The following ZNF160 variants were observed in gnomAD, a reference collection of about 807,000 sequenced individuals.
ZNF160 encodes zinc finger protein 160.
A neutral mutation model predicts 13.1 loss-of-function variants in ZNF160; 9 were observed. The observed-to-expected ratio is 0.69, with a 90% CI of 0.41 to 1.20. ZNF160 has a LOEUF of 1.20. Ranked by LOEUF, ZNF160 falls within the 50% of genes most tolerant of loss-of-function variation. ZNF160 has a pLI of 0.01. For synonymous variants in ZNF160, 293 were observed against 333.2 expected (o/e 0.88, Z 1.31); for missense variants, 838 against 988.0 (o/e 0.85, Z 2.04).
chr19:53,089,862 G>T (rs984687991), intron 2 of ZNF160, among the ~76,000 whole-genome samples: 3 of 148,180 alleles, frequency 2.0e-5, no homozygotes, highest in Non-Finnish European at 4.5e-5. Context: ...TCCTCATTTT[G>T]AGCCCCTCTC....
intron 1 of ZNF160, among the ~76,000 whole-genome samples, chr19:53,100,747 C>T (rs1029850037): frequency 6.6e-6 from 1 of 151,216 alleles, no homozygotes; most frequent in African/African-American, 2.4e-5. Context: ...GTAATCCCAG[C>T]ACTTTGGGAG....
At chr19:53,087,142 G>C (rs1310270718) in intron 2 of ZNF160, among the ~76,000 whole-genome samples, 1 of 152,236 alleles carries the variant, frequency 6.6e-6, no homozygotes, top group African/African-American at 2.4e-5. Context: ...GTTCTAGGCA[G>C]AGGGCCAGCC....
Position 53,069,585 on chromosome 19 carries a change from C to A in ZNF160, c.949G>T (p.Glu317Ter), listed in dbSNP as rs1377475289. 6.2e-7 allele frequency: 1 copy of A among 1,614,052 alleles called. No homozygotes were observed. The highest frequency in any genetic ancestry group is 1.3e-5 in the African/African-American group (1 of 74,908). Residue 317 changes from glutamate (E) to a stop codon, truncating the protein, a stop_gained, in exon 6 of 6, where the codon GAG becomes TAG. Coordinates refer to ENST00000683776, the MANE Select transcript of ZNF160 (RefSeq NM_001322131.2). LOFTEE classifies it low-confidence loss of function (END_TRUNC). The surrounding 1 kb of genome is among the most constrained non-coding windows in gnomAD (Gnocchi z 4.4). ...TTGTGCCTGAAGACCTTGCCACACTCATGACATTTGTAAGGTTTTTCTCCA... is the reference window on the plus strand; with the variant it reads ...TTGTGCCTGAAGACCTTGCCACACTAATGACATTTGTAAGGTTTTTCTCCA... ...HTGEKPYKCH[E>*]CGKVFRHNSY... is the part of the protein sequence containing the mutation.
rs749609507 is a variant in ZNF160 at position 53,068,192 on chromosome 19, G to A, written c.2342C>T (p.Ala781Val). The stretch of plus-strand genomic sequence containing the variant: ...GTAACGCTTTTCTCCAGTGTGGATT[G>A]CCATATGGGTAGTTAGACTTGATCT... The part of the protein sequence containing the change: ...RVRSSLTTHM[A>V]IHTGEKRYKC... Residue 781 changes from alanine to valine, a missense_variant, in exon 6 of 6, where the codon GCA (alanine) becomes GTA (valine). Transcript: ENST00000683776. 50 of 1,614,072 alleles carry A rather than the reference G, an allele frequency of 3.1e-5. No homozygotes were observed. The Middle Eastern group carries it at 9.9e-4, about 32-fold the overall frequency.
chr19:53,069,107 G>C lies in ZNF160; in HGVS notation c.1427C>G (p.Thr476Ser). 6.2e-7 allele frequency: 1 copy of C among 1,614,192 alleles called. No individual in the cohort carries two copies. The highest frequency in any genetic ancestry group is 1.6e-4 in the Middle Eastern group (1 of 6,062). Residue 476 changes from threonine to serine, a missense_variant, in exon 6 of 6, where the codon ACT becomes AGT. Around this residue, in one of 3 missense-constraint regions of ZNF160, gnomAD observed 400 missense variants for 538.9 expected, o/e 0.74. Transcript: ENST00000683776. The surrounding 1 kb of genome is among the most constrained non-coding windows in gnomAD (Gnocchi z 4.4). ...ATTGCATTTGAAAGGTTTTGTTCCA[G>C]TATGGATGACCTGATGGGTAGCTAG... ...SNLATHQVIH[T>S]GTKPFKCNEC...
chr19:53,094,688 G>A (rs370642549), intron 1 of ZNF160, among the ~76,000 whole-genome samples: 1 of 152,178 alleles, frequency 6.6e-6, no homozygotes, highest in Non-Finnish European at 1.5e-5. Context: ...TGAAATGTTG[G>A]ATTAACTGAA....
chr19:53,080,573 C>T (rs2084592681), intron 3 of ZNF160, among the ~76,000 whole-genome samples: 1 of 145,764 alleles, frequency 6.9e-6, no homozygotes, highest in African/African-American at 2.6e-5. Flanking sequence ...AGAAATCAGA[C>T]AACACGAACA....
At chr19:53,074,097 C>T in intron 5 of ZNF160, 43 bp downstream of exon 5, 1 of 1,599,188 alleles carries the variant, frequency 6.3e-7, no homozygotes, top group Non-Finnish European at 8.6e-7. Context: ...CTCCCACACT[C>T]TAGTTAATGA....
At chr19:53,098,901 G>A (rs2085339116) in intron 1 of ZNF160, among the ~76,000 whole-genome samples, 2 of 150,720 alleles carry the variant, frequency 1.3e-5, no homozygotes, top group South Asian at 4.2e-4. Flanking sequence ...GAGGCCTTCT[G>A]CTCTTACATA....
chr19:53,069,856 A>T lies in ZNF160; in HGVS notation c.678T>A (p.Ser226Arg). ...SVSPLQQIPS[S>R]VQTHRSKKYH... ...ATTTTTTAGACCTGTGGGTTTGGACACTAGAAGGAATTTGTTGAAGTGGTG... is the reference window on the plus strand; with the variant it reads ...ATTTTTTAGACCTGTGGGTTTGGACTCTAGAAGGAATTTGTTGAAGTGGTG... The change falls in exon 6 of 6, where the codon AGT becomes AGA. Residue 226 changes from serine to arginine, a missense_variant. Physicochemically the swap from Ser to Arg is moderately radical, Grantham distance 110. This residue lies in a region of ZNF160 where 387 missense variants were observed against 402.3 expected (regional missense o/e 0.96). Coordinates refer to ENST00000683776, the MANE Select transcript of ZNF160 (RefSeq NM_001322131.2). The surrounding 1 kb of genome is among the most constrained non-coding windows in gnomAD (Gnocchi z 4.4). 4 of 1,614,136 alleles carry T rather than the reference A, an allele frequency of 2.5e-6. No individual in the cohort carries two copies. The highest frequency in any genetic ancestry group is 3.4e-6 in the Non-Finnish European group (4 of 1,180,030).
chr19:53,090,262 C>T (rs889211486), intron 2 of ZNF160, among the ~76,000 whole-genome samples: 1 of 152,094 alleles, frequency 6.6e-6, no homozygotes, highest in African/African-American at 2.4e-5. Flanking sequence ...CCTTTCTGCC[C>T]CTCTCCCTAT....
Position 53,075,115 on chromosome 19 carries a change from A to G in ZNF160, c.84T>C (p.Ala28=). ...SQEEWKCLDP[A]QRILYRDVML... ...TCACGTCCCTGTATAAGATCCTCTG[A>G]GCAGGGTCCAGGCATTTCCACTCCT... Residue 28 remains alanine, a synonymous_variant, in exon 4 of 6, where the codon GCT becomes GCC. Coordinates refer to ENST00000683776, the MANE Select transcript of ZNF160 (RefSeq NM_001322131.2). 6.2e-7 allele frequency: 1 copy of G among 1,614,216 alleles called. No individual in the cohort carries two copies. Among genetic ancestry groups the G allele is most frequent in the South Asian group, 1.1e-5 (1 of 91,084 alleles).
rs529532058 is a variant in ZNF160, at chr19:53,081,482, C to T, written c.15+4780G>A. On this transcript the variant is annotated intron_variant, in intron 3 of 5. Coordinates refer to ENST00000683776, the MANE Select transcript of ZNF160 (RefSeq NM_001322131.2). ...TAAACAGACACTTCTCAAAAGAAGT[C>T]GTACTATTGGCCAACAAGCGTATGA... 5.7e-4 allele frequency among the ~76,000 whole-genome samples: 86 copies of T among 152,170 alleles called. 2 individuals carry two copies. In the South Asian group the frequency reaches 0.016, roughly 29 times the overall value.
At chr19:53,074,074 G>C in intron 5 of ZNF160, 66 bp downstream of exon 5, 1 of 1,521,588 alleles carries the variant, frequency 6.6e-7, no homozygotes, top group Non-Finnish European at 9.1e-7. Flanking sequence ...ACAGGCGTGA[G>C]CTACTGTGCC....
At chr19:53,086,621 C>T (rs1431083632) in intron 2 of ZNF160, among the ~76,000 whole-genome samples, 8 of 152,088 alleles carry the variant, frequency 5.3e-5, no homozygotes, top group Admixed American at 5.2e-4. Flanking sequence ...GGACACAGAC[C>T]CAGCCCTGAC....
chr19:53,078,795 C>T (rs1287472070), intron 3 of ZNF160, among the ~76,000 whole-genome samples: 2 of 94,862 alleles, frequency 2.1e-5, no homozygotes, highest in Non-Finnish European at 4.2e-5. Flanking sequence ...ACTGGAGCAG[C>T]AATCAAAAAA....
At chr19:53,098,158 T>C (rs955152741) in intron 1 of ZNF160, among the ~76,000 whole-genome samples, 3 of 152,160 alleles carry the variant, frequency 2.0e-5, no homozygotes, top group African/African-American at 7.2e-5. Context: ...CAAAACCCAC[T>C]TCCAGGTGCT....
chr19:53,069,940 C>G lies in ZNF160; in HGVS notation c.594G>C (p.Glu198Asp). 1 of 1,614,122 alleles carries G rather than the reference C, an allele frequency of 6.2e-7. No individual in the cohort carries two copies. Among genetic ancestry groups the G allele is most frequent in the Non-Finnish European group, 8.5e-7 (1 of 1,180,034 alleles). Residue 198 changes from glutamate to aspartate, a missense_variant, in exon 6 of 6, where the codon GAG (glutamate) becomes GAC (aspartate). Glu to Asp is a conservative substitution (Grantham distance 45). Around this residue, in one of 3 missense-constraint regions of ZNF160, gnomAD observed 387 missense variants for 402.3 expected, o/e 0.96. Coordinates refer to ENST00000683776, the MANE Select transcript of ZNF160 (RefSeq NM_001322131.2). This position sits in a 1 kb window ranked among gnomAD's most constrained non-coding sequence, Gnocchi z 4.4. ...HLPELQLFQG[E>D]GKMYECNQVE... ...CTTGATTACATTCATACATTTTCCCCTCACCTTGAAATAGCTGCAGTTCAG... is the reference window on the plus strand; with the variant it reads ...CTTGATTACATTCATACATTTTCCCGTCACCTTGAAATAGCTGCAGTTCAG...
chr19:53,070,443 C>G (rs1036770309), intron 5 of ZNF160, among the ~76,000 whole-genome samples, 181 bp from the exon 6 acceptor site: 4 of 151,632 alleles, frequency 2.6e-5, no homozygotes, highest in Non-Finnish European at 5.9e-5. Flanking sequence ...CGGAGTCTCG[C>G]TCTGTCGCCC....
Sources: allele counts gnomAD v4.1 joint callset (sites outside exome capture counted in the v4.1 genomes callset), GRCh38; gene constraint gnomAD v4.1.1; regional missense constraint gnomAD v4.1.1; non-coding constraint Gnocchi (gnomAD v3.1); transcripts MANE v1.5; gene names NCBI Gene and HGNC (gene_info 2026-07-23, HGNC 2026-07-21).